Variants in NREP observed in about 807,000 individuals in gnomAD.
The protein encoded by NREP is neuronal regeneration-related protein.
NREP carries 5 observed loss-of-function variants against 8.6 expected under a neutral mutation model. The observed-to-expected ratio is 0.58, with a 90% CI of 0.30 to 1.22. The LOEUF (loss-of-function observed/expected upper bound fraction) is 1.22. Among genes scored for constraint, NREP ranks in the 50% most tolerant of loss-of-function variants. The pLI is 0.07. For missense variants in NREP, 86 were observed against 82.5 expected (o/e 1.04, Z -0.17); for synonymous variants, 27 against 28.0 (o/e 0.96, Z 0.11).
upstream of NREP, among the ~76,000 whole-genome samples, chr5:111,760,133 C>T (rs745562180): frequency 6.6e-6 from 1 of 152,148 alleles, no homozygotes; most frequent in Non-Finnish European, 1.5e-5. Flanking sequence ...AATTTTTTGA[C>T]GGGGTGAGGA....
intron 2 of NREP, among the ~76,000 whole-genome samples, chr5:111,765,134 T>C (rs1029850771): frequency 6.6e-6 from 1 of 152,150 alleles, no homozygotes; most frequent in African/African-American, 2.4e-5. Flanking sequence ...GGGTATGGTT[T>C]TGGGAGAAAA....
In NREP at chr5:111,962,758, A is replaced by G. The variant is rs572244466; in HGVS notation, c.135+12516T>C. 1.3e-3 allele frequency among the ~76,000 whole-genome samples: 201 copies of G among 152,306 alleles called. 2 individuals are homozygous for G. Among genetic ancestry groups the G allele is most frequent in the African/African-American group, 4.7e-3 (194 of 41,566 alleles). ...CAAGACTCAGTCGGTAGAGAGAGAA[A>G]GAAGTGGATTGACTGGAAAGAGATA... On this transcript the variant is annotated intron_variant, in intron 2 of 3. Transcript: ENST00000395634.
At chr5:111,742,624 C>T (rs1002059976) in intron 2 of NREP, among the ~76,000 whole-genome samples, 2 of 151,938 alleles carry the variant, frequency 1.3e-5, no homozygotes, top group African/African-American at 4.8e-5. Flanking sequence ...ACAGAATTAC[C>T]CGACTTTTCT....
chr5:111,839,665 G>A (rs1206869386), intron 2 of NREP, among the ~76,000 whole-genome samples: 1 of 151,990 alleles, frequency 6.6e-6, no homozygotes, highest in East Asian at 1.9e-4. Context: ...GAACAACCAC[G>A]TTAGTTCAAT....
At chr5:111,919,869 G>GAAAA (rs1755176432) in intron 2 of NREP, among the ~76,000 whole-genome samples, 1 of 125,034 alleles carries the variant, frequency 8.0e-6, no homozygotes, top group Non-Finnish European at 1.6e-5. Flanking sequence ...CTTGAAGAGA[G>GAAAA]AGAAAGAAAG....
chr5:111,953,540 C>T (rs974677276), intron 2 of NREP, among the ~76,000 whole-genome samples: 2 of 152,054 alleles, frequency 1.3e-5, no homozygotes, highest in Non-Finnish European at 2.9e-5. Flanking sequence ...ATCATGAGTT[C>T]GTGCACTATT....
At chr5:111,893,950 G>T (rs553944856) in intron 2 of NREP, among the ~76,000 whole-genome samples, 1 of 152,054 alleles carries the variant, frequency 6.6e-6, no homozygotes, top group Non-Finnish European at 1.5e-5. Context: ...GGGCGCAGTG[G>T]CTCACGCCTG....
intron 2 of NREP, among the ~76,000 whole-genome samples, chr5:111,892,463 T>C (rs1754416840): frequency 6.6e-6 from 1 of 152,202 alleles, no homozygotes; most frequent in Non-Finnish European, 1.5e-5. Flanking sequence ...ATGAAGAGGT[T>C]ACTTGAAGAT....
At chr5:111,948,196 C>T (rs1756044377) in intron 2 of NREP, among the ~76,000 whole-genome samples, 1 of 152,072 alleles carries the variant, frequency 6.6e-6, no homozygotes. Flanking sequence ...TTTCATCTTT[C>T]CTGTAATGCT....
rs112441828 is a variant in NREP at position 111,808,903 on chromosome 5, T to G, written c.136-73396A>C. ...ATGTGGTACATGCTGGTATGTAGTATGTACTTAAGAAATATTTGTTGAGTG... is the reference window on the plus strand; with the variant it reads ...ATGTGGTACATGCTGGTATGTAGTAGGTACTTAAGAAATATTTGTTGAGTG... On this transcript the variant is annotated intron_variant, in intron 2 of 3. Coordinates refer to the NREP transcript ENST00000395634. Among the ~76,000 whole-genome samples, 23 of 152,346 alleles carry G rather than the reference T, an allele frequency of 1.5e-4. 1 individual carries two copies. The highest frequency in any genetic ancestry group is 5.3e-4 in the African/African-American group (22 of 41,568).
chr5:111,853,872 T>G (rs1195182720), intron 2 of NREP, among the ~76,000 whole-genome samples: 1 of 152,174 alleles, frequency 6.6e-6, no homozygotes, highest in Non-Finnish European at 1.5e-5. Flanking sequence ...ACATGGAAGC[T>G]GCTCTTTTCT....
chr5:111,763,874 A>G (rs760436878), intron 2 of NREP, among the ~76,000 whole-genome samples: 1 of 152,260 alleles, frequency 6.6e-6, no homozygotes, highest in African/African-American at 2.4e-5. Flanking sequence ...GAATTTTACA[A>G]TTATAAATGG....
chr5:111,783,144 A>G (rs948026885), intron 2 of NREP, among the ~76,000 whole-genome samples: 2 of 152,096 alleles, frequency 1.3e-5, no homozygotes, highest in Non-Finnish European at 2.9e-5. Context: ...TATAGGTGAC[A>G]CTCTCAACAG....
At chr5:111,855,892 A>AAAAC (rs1753415978) in intron 2 of NREP, among the ~76,000 whole-genome samples, 1 of 152,180 alleles carries the variant, frequency 6.6e-6, no homozygotes. Context: ...AAGATGAAAG[A>AAAAC]AAACTGTTTG....
rs771392422 is a variant in NREP, at chr5:111,735,461, G to C, written c.50C>G (p.Pro17Arg). 6.2e-7 allele frequency: 1 copy of C among 1,613,078 alleles called. No homozygotes were observed. Among genetic ancestry groups the C allele is most frequent in the East Asian group, 2.2e-5 (1 of 44,846 alleles). The change falls in exon 3 of 4, where the codon CCA becomes CGA. Residue 17 changes from proline to arginine, a missense_variant. By Grantham distance (103) the Pro-to-Arg change is moderately radical. Transcript: ENST00000257435. ...AAGCCTTCCCTCCATGTCCTTGTTT[G>C]GAAATGGTTCTTGACTGACCCAGAC... The part of the protein sequence containing the change: ...LFVWVSQEPF[P>R]NKDMEGRLPK...
intron 2 of NREP, among the ~76,000 whole-genome samples, chr5:111,935,936 A>C (rs1323294349): frequency 2.6e-5 from 4 of 152,058 alleles, no homozygotes; most frequent in Non-Finnish European, 5.9e-5. Context: ...TGAGGTGTTA[A>C]CAGGGCCATG....
chr5:111,945,810 C>G (rs55931388), intron 2 of NREP, among the ~76,000 whole-genome samples: 4 of 151,880 alleles, frequency 2.6e-5, no homozygotes, highest in South Asian at 2.1e-4. Flanking sequence ...TCAATCAGAA[C>G]GTTTGCAAAA....
intron 2 of NREP, among the ~76,000 whole-genome samples, chr5:111,763,681 A>G (rs1181886916): frequency 6.6e-6 from 1 of 152,260 alleles, no homozygotes; most frequent in African/African-American, 2.4e-5. Flanking sequence ...ACAAAACTGT[A>G]AAAATAATAC....
chr5:111,908,809 G>C (rs977373254), intron 2 of NREP, among the ~76,000 whole-genome samples: 1 of 151,930 alleles, frequency 6.6e-6, no homozygotes, highest in African/African-American at 2.4e-5. Flanking sequence ...GAATTGCTAG[G>C]TCAAATGGTA....
Sources: allele counts gnomAD v4.1 joint callset (sites outside exome capture counted in the v4.1 genomes callset), GRCh38; gene constraint gnomAD v4.1.1; transcripts MANE v1.5; gene names NCBI Gene and HGNC (gene_info 2026-07-23, HGNC 2026-07-21).